CNTNAP2: variants seen among roughly 807,000 people sequenced by gnomAD.
CNTNAP2 encodes the protein contactin associated protein 2.
CNTNAP2 carries 98 observed loss-of-function variants against 155.2 expected under a neutral mutation model. The observed-to-expected ratio is 0.63, with a 90% CI of 0.54 to 0.75. The LOEUF is 0.75. Among genes scored for constraint, CNTNAP2 ranks in the 30% least tolerant of loss-of-function variants. The pLI, the probability that CNTNAP2 is intolerant of heterozygous loss-of-function variation, is 0.00. For missense variants in CNTNAP2, 1,727 were observed against 1,688.1 expected, an observed-to-expected ratio of 1.02 and a Z score of -0.40; for synonymous variants, 651 against 631.2, an observed-to-expected ratio of 1.03 and a Z score of -0.47.
chr7:147,378,026 T>A (rs1205654945), intron 9 of CNTNAP2: 1 of 468,548 alleles, frequency 2.1e-6, no homozygotes, highest in Admixed American at 2.4e-5. Flanking sequence ...TCTGAAATTC[T>A]ATTAATATTG....
intron 1 of CNTNAP2, among the ~76,000 whole-genome samples, chr7:146,330,008 C>CTTTTT (rs1294271211): frequency 3.9e-5 from 4 of 103,260 alleles, no homozygotes; most frequent in African/African-American, 2.1e-4. Flanking sequence ...TCAACAAGTA[C>CTTTTT]TTTCTTTTTT....
chr7:147,741,925 G>A (rs1796962392), intron 13 of CNTNAP2, among the ~76,000 whole-genome samples: 1 of 152,162 alleles, frequency 6.6e-6, no homozygotes, highest in Non-Finnish European at 1.5e-5. Flanking sequence ...ATTTACAAAG[G>A]AAAGATATTT....
At chr7:148,411,393 G>A (rs943291966) in intron 23 of CNTNAP2, among the ~76,000 whole-genome samples, 1 of 152,126 alleles carries the variant, frequency 6.6e-6, no homozygotes, top group Non-Finnish European at 1.5e-5. Flanking sequence ...AGCCTCCTGA[G>A]TAGCTGGAAC....
At chr7:146,854,955 G>A (rs1245630378) in intron 3 of CNTNAP2, among the ~76,000 whole-genome samples, 1 of 152,022 alleles carries the variant, frequency 6.6e-6, no homozygotes, top group Non-Finnish European at 1.5e-5. Context: ...TGCCATCTAT[G>A]TATAATTGAT....
At chr7:147,236,443 A>G (rs1211379955) in intron 8 of CNTNAP2, among the ~76,000 whole-genome samples, 1 of 150,186 alleles carries the variant, frequency 6.7e-6, no homozygotes, top group African/African-American at 2.5e-5. Context: ...TTAACAGTCT[A>G]TCCTCCTTTA....
At chr7:147,849,258 A>G (rs2116664027) in intron 13 of CNTNAP2, among the ~76,000 whole-genome samples, 1 of 152,364 alleles carries the variant, frequency 6.6e-6, no homozygotes, top group African/African-American at 2.4e-5. Context: ...CAAGTAAATG[A>G]CCATGTGTTT....
intron 8 of CNTNAP2, among the ~76,000 whole-genome samples, chr7:147,280,398 C>T (rs1403994580): frequency 6.6e-6 from 1 of 151,928 alleles, no homozygotes; most frequent in African/African-American, 2.4e-5. Flanking sequence ...ACGAAAAAAT[C>T]TCTCGTAGAA....
chr7:146,459,847 G>A (rs71530737), intron 1 of CNTNAP2, among the ~76,000 whole-genome samples: 31,771 of 152,072 alleles, frequency 0.21, 4,142 homozygotes, highest in Admixed American at 0.37. Context: ...GTACATGCCT[G>A]TAGTCCCAGC....
chr7:147,302,360 G>T (rs1267619541), intron 9 of CNTNAP2, among the ~76,000 whole-genome samples: 1 of 152,164 alleles, frequency 6.6e-6, no homozygotes, highest in Non-Finnish European at 1.5e-5. Flanking sequence ...CACATTCATG[G>T]CATAGAGTTT....
chr7:146,389,846 T>TCC (rs539266192), intron 1 of CNTNAP2, among the ~76,000 whole-genome samples: 52 of 151,336 alleles, frequency 3.4e-4, no homozygotes, highest in Non-Finnish European at 5.5e-4. Flanking sequence ...GGATTACAGG[T>TCC]CCCCACTACC....
chr7:147,303,236 T>C (rs1794975494), intron 9 of CNTNAP2, among the ~76,000 whole-genome samples: 1 of 152,234 alleles, frequency 6.6e-6, no homozygotes, highest in Non-Finnish European at 1.5e-5. Flanking sequence ...CTTTCTAACA[T>C]TTCTTTAACA....
chr7:147,295,009 ATGAAT>A (rs951523712), intron 8 of CNTNAP2, among the ~76,000 whole-genome samples: 2 of 152,208 alleles, frequency 1.3e-5, no homozygotes, highest in African/African-American at 4.8e-5. Context: ...ATGAAATAAA[ATGAAT>A]TAAAGTGTCC....
At chr7:147,072,644 A>G (rs1046754916) in intron 4 of CNTNAP2, among the ~76,000 whole-genome samples, 2 of 152,068 alleles carry the variant, frequency 1.3e-5, no homozygotes, top group Admixed American at 1.3e-4. Flanking sequence ...GTTGTGGGTT[A>G]CATGTGGGCT....
chr7:147,841,419 C>T (rs1563107686), intron 13 of CNTNAP2, among the ~76,000 whole-genome samples: 1 of 152,136 alleles, frequency 6.6e-6, no homozygotes, highest in Non-Finnish European at 1.5e-5. Flanking sequence ...GTCATGAGCA[C>T]CTCCTGTGAG....
At chr7:146,671,018 A>G (rs1381906296) in intron 1 of CNTNAP2, among the ~76,000 whole-genome samples, 1 of 152,188 alleles carries the variant, frequency 6.6e-6, no homozygotes, top group Non-Finnish European at 1.5e-5. Context: ...TTATAAACAC[A>G]ACGAACTTCA....
chr7:146,693,492 C>T (rs1451064918), intron 1 of CNTNAP2, among the ~76,000 whole-genome samples: 1 of 151,838 alleles, frequency 6.6e-6, no homozygotes, highest in African/African-American at 2.4e-5. Flanking sequence ...ATTTTTGAGA[C>T]ATTAATAGTA....
intron 3 of CNTNAP2, among the ~76,000 whole-genome samples, chr7:147,028,189 A>T (rs1418939400): frequency 6.6e-6 from 1 of 152,186 alleles, no homozygotes; most frequent in African/African-American, 2.4e-5. Context: ...AAGGTTCCTT[A>T]GGGTTAAAAC....
intron 9 of CNTNAP2, among the ~76,000 whole-genome samples, chr7:147,315,478 C>CTT (rs3050776): frequency 3.9e-4 from 41 of 103,906 alleles, no homozygotes; most frequent in East Asian, 5.9e-4. Flanking sequence ...TTATTCTGGA[C>CTT]TTTTTTTTTT....
At chr7:146,769,542 A>G (rs571766574) in intron 1 of CNTNAP2, among the ~76,000 whole-genome samples, 2 of 152,288 alleles carry the variant, frequency 1.3e-5, no homozygotes, top group East Asian at 3.9e-4. Flanking sequence ...TTTCAAATTC[A>G]TTGTGGGCTC....
Sources: allele counts gnomAD v4.1 joint callset (sites outside exome capture counted in the v4.1 genomes callset), GRCh38; gene constraint gnomAD v4.1.1; transcripts MANE v1.5; gene names NCBI Gene and HGNC (gene_info 2026-07-23, HGNC 2026-07-21).